SLC25A12: variants seen among roughly 807,000 people sequenced by gnomAD.
The protein encoded by SLC25A12 is electrogenic aspartate/glutamate antiporter SLC25A12, mitochondrial.
SLC25A12 carries 32 observed loss-of-function variants against 83.3 expected under a neutral mutation model. The ratio of observed to expected loss-of-function variants is 0.38; its 90% CI spans 0.29 to 0.52. The LOEUF is 0.52. SLC25A12 is among the 20% of genes least tolerant of loss of function. The pLI is 0.84. For missense variants in SLC25A12, 611 were observed against 835.6 expected (o/e 0.73, Z 3.31); for synonymous variants, 267 against 291.1 (o/e 0.92, Z 0.84).
rs144283853 is a variant in SLC25A12 at position 171,835,221 on chromosome 2, C to T, written c.613-356G>A. ...GAAACTCTTGCTAGTCCTGGATAAA[C>T]AAAATCACTGTACAATCTATGGAAC... is the stretch of plus-strand genomic sequence containing the variant. On this transcript the variant is annotated intron_variant, in intron 6 of 17. Coordinates refer to ENST00000422440, the MANE Select transcript of SLC25A12 (RefSeq NM_003705.5). Among the ~76,000 whole-genome samples, 502 of 152,312 alleles carry T rather than the reference C, an allele frequency of 3.3e-3. 1 individual carries two copies. Among genetic ancestry groups the T allele is most frequent in the African/African-American group, 0.011 (465 of 41,582 alleles).
rs372406522 is a variant in SLC25A12 at position 171,880,697 on chromosome 2, CCT to C, written c.67-11876_67-11875del. 1.2e-4 allele frequency among the ~76,000 whole-genome samples: 19 copies of C among 152,288 alleles called. No individual in the cohort carries two copies. The South Asian group carries it at 3.7e-3, about 30-fold the overall frequency. On this transcript the variant is annotated intron_variant, in intron 2 of 17. Transcript: ENST00000422440. ...GCATAGTTCCCAATAGTTTTTCCAC[CCT>C]GTTCCCCTCCTTCCTTTCTCCCTCT...
chr2:171,817,473 G>A (rs559873158), intron 9 of SLC25A12, among the ~76,000 whole-genome samples: 20 of 151,578 alleles, frequency 1.3e-4, no homozygotes, highest in Admixed American at 3.3e-4. Context: ...ATAGTGGCAG[G>A]TGCCTATAAT....
intron 9 of SLC25A12, among the ~76,000 whole-genome samples, chr2:171,824,930 A>G (rs138632479): frequency 0.021 from 3,196 of 152,018 alleles, 52 homozygotes; most frequent in Middle Eastern, 0.037. Flanking sequence ...CAGCCTCCCA[A>G]GTAGCTAGGA....
chr2:171,864,677 T>C (rs772597584), intron 3 of SLC25A12, among the ~76,000 whole-genome samples: 3 of 152,142 alleles, frequency 2.0e-5, no homozygotes, highest in Non-Finnish European at 4.4e-5. Flanking sequence ...TCCCTACTTA[T>C]CCAACTACTA....
intron 13 of SLC25A12, among the ~76,000 whole-genome samples, chr2:171,806,465 A>G (rs1683832818): frequency 6.6e-6 from 1 of 152,224 alleles, no homozygotes; most frequent in Admixed American, 6.5e-5. Context: ...CAAAACAAAA[A>G]CGAAAACAAA....
chr2:171,820,155 T>C (rs903524220), intron 9 of SLC25A12, among the ~76,000 whole-genome samples: 3 of 152,092 alleles, frequency 2.0e-5, no homozygotes, highest in African/African-American at 7.2e-5. Flanking sequence ...TGGAATACTA[T>C]GTACAAAAAA....
chr2:171,877,482 T>A (rs965754001), intron 2 of SLC25A12, among the ~76,000 whole-genome samples: 1 of 151,902 alleles, frequency 6.6e-6, no homozygotes, highest in East Asian at 1.9e-4. Context: ...CTGGCCAACA[T>A]AGCGAAACCC....
At chr2:171,842,561 A>G (rs1231482717) in intron 5 of SLC25A12, among the ~76,000 whole-genome samples, 1 of 152,074 alleles carries the variant, frequency 6.6e-6, no homozygotes, top group Non-Finnish European at 1.5e-5. Context: ...GCCATTGCAC[A>G]CCAGCCTGGA....
At chr2:171,880,453 T>C (rs1292141452) in intron 2 of SLC25A12, among the ~76,000 whole-genome samples, 1 of 152,148 alleles carries the variant, frequency 6.6e-6, no homozygotes, top group Admixed American at 6.5e-5. Flanking sequence ...AATTTTTGTA[T>C]TTTTAGTAGA....
At chr2:171,821,724 A>G (rs1574698622) in intron 9 of SLC25A12, among the ~76,000 whole-genome samples, 3 of 152,306 alleles carry the variant, frequency 2.0e-5, no homozygotes, top group African/African-American at 7.2e-5. Context: ...TATACTATAT[A>G]TTCTGGATAC....
intron 12 of SLC25A12, 41 bp from the exon 13 acceptor site, chr2:171,809,727 C>T (rs1309749040): frequency 7.0e-7 from 1 of 1,420,036 alleles, no homozygotes; most frequent in Admixed American, 1.7e-5. Context: ...AATTCCCAAC[C>T]ATTTCTCTTC....
At chr2:171,881,610 A>G (rs1286920289) in intron 2 of SLC25A12, among the ~76,000 whole-genome samples, 1 of 152,166 alleles carries the variant, frequency 6.6e-6, no homozygotes. Context: ...AGAGCTCAGG[A>G]AGGACTTCAA....
At chr2:171,887,706 G>A (rs1298034718) in intron 2 of SLC25A12, among the ~76,000 whole-genome samples, 2 of 152,134 alleles carry the variant, frequency 1.3e-5, no homozygotes, top group African/African-American at 4.8e-5. Context: ...AAAGAAAAAA[G>A]GGATAAATCA....
At chr2:171,853,612 C>CA (rs1401168456) in intron 4 of SLC25A12, among the ~76,000 whole-genome samples, 1 of 151,832 alleles carries the variant, frequency 6.6e-6, no homozygotes, top group Non-Finnish European at 1.5e-5. Context: ...ACCCAGGAGG[C>CA]AGAGGTTGCA....
Position 171,850,732 on chromosome 2 carries a change from A to G in SLC25A12, c.325+5102T>C, listed in dbSNP as rs577832743. Among the ~76,000 whole-genome samples the G allele has an allele frequency of 2.6e-5, 4 of 152,312 alleles. No individual in the cohort carries two copies. The South Asian group carries it at 8.3e-4, about 32-fold the overall frequency. The stretch of plus-strand genomic sequence containing the variant: ...CGCCTCGGCCTCCCAAAGTGCTGGG[A>G]TTACAGGCGTGAGCCACTGCACCTG... On this transcript the variant is annotated intron_variant, in intron 4 of 17. Transcript: ENST00000422440.
intron 3 of SLC25A12, among the ~76,000 whole-genome samples, chr2:171,862,462 G>A (rs1685182503): frequency 1.3e-5 from 2 of 152,038 alleles, no homozygotes; most frequent in Admixed American, 6.6e-5. Flanking sequence ...ATGCTGTTTT[G>A]TATGTTACAT....
chr2:171,890,544 T>C (rs1004288308), intron 2 of SLC25A12, among the ~76,000 whole-genome samples: 5 of 152,076 alleles, frequency 3.3e-5, no homozygotes, highest in Non-Finnish European at 2.9e-5. Context: ...TGCAGTGGTA[T>C]GATCTTGGCT....
intron 4 of SLC25A12, among the ~76,000 whole-genome samples, chr2:171,855,253 C>T (rs1573985489): frequency 6.6e-6 from 1 of 152,132 alleles, no homozygotes; most frequent in Admixed American, 6.5e-5. Flanking sequence ...GAAACATCAA[C>T]AGTGTGTTAG....
intron 2 of SLC25A12, among the ~76,000 whole-genome samples, chr2:171,879,230 T>C (rs960130050): frequency 6.6e-6 from 1 of 152,232 alleles, no homozygotes; most frequent in African/African-American, 2.4e-5. Flanking sequence ...TGTATAAATC[T>C]AATTTTGATT....
Sources: gnomAD v4.1 joint callset for allele counts (sites outside exome capture counted in the v4.1 genomes callset) on GRCh38, gnomAD v4.1.1 for gene constraint, MANE v1.5 for transcripts, NCBI Gene and HGNC (gene_info 2026-07-23, HGNC 2026-07-21) for gene names.